NGEF: variants seen among roughly 807,000 people sequenced by gnomAD.
The protein encoded by NGEF is neuronal guanine nucleotide exchange factor, also known as ephexin-1.
NGEF carries 31 observed loss-of-function variants against 80.9 expected under a neutral mutation model. The observed-to-expected ratio is 0.38, with a 90% CI of 0.29 to 0.52. NGEF has a LOEUF of 0.52. NGEF is among the 20% of genes least tolerant of loss of function. The pLI, the probability that NGEF is intolerant of heterozygous loss-of-function variation, is 0.84. For missense variants in NGEF, 709 were observed against 926.2 expected (o/e 0.77, Z 3.04); for synonymous variants, 371 against 370.2 (o/e 1.00, Z -0.03).
Position 233,007,974 on chromosome 2 carries a change from G to C in NGEF, c.-75+5094C>G, listed in dbSNP as rs142564236. ...AAAAAGGAACTTGGCAGAAAGGAAGGCTTTCCTCCAACGCTCAAGAATCCA... is the reference window on the plus strand; with the variant it reads ...AAAAAGGAACTTGGCAGAAAGGAAGCCTTTCCTCCAACGCTCAAGAATCCA... On this transcript the variant is annotated intron_variant, in intron 1 of 14. Coordinates refer to ENST00000264051, the MANE Select transcript of NGEF (RefSeq NM_019850.3). 2.3e-3 allele frequency among the ~76,000 whole-genome samples: 346 copies of C among 152,306 alleles called. 7 individuals are homozygous for C. The Middle Eastern group carries it at 0.024, about 10-fold the overall frequency.
chr2:232,915,352 G>GTTTT (rs1210860031), intron 5 of NGEF, among the ~76,000 whole-genome samples: 1 of 152,062 alleles, frequency 6.6e-6, no homozygotes, highest in Non-Finnish European at 1.5e-5. Flanking sequence ...AGTGTTTGTT[G>GTTTT]TGTGTTTTCC....
At chr2:232,891,201 C>T (rs1034933624) in intron 8 of NGEF, 157 bp downstream of exon 8, 9 of 982,218 alleles carry the variant, frequency 9.2e-6, no homozygotes, top group African/African-American at 8.1e-5. Flanking sequence ...TGGGAGCAGG[C>T]GCTGCATCCT....
At chr2:232,880,620 A>G (rs1024865646) in intron 14 of NGEF, among the ~76,000 whole-genome samples, 1 of 152,212 alleles carries the variant, frequency 6.6e-6, no homozygotes, top group Non-Finnish European at 1.5e-5. Context: ...GAAAAGGGAA[A>G]GGGGGTCAGT....
At chr2:232,888,586 C>A (rs745785804) in intron 8 of NGEF, among the ~76,000 whole-genome samples, 4 of 151,940 alleles carry the variant, frequency 2.6e-5, no homozygotes, top group Non-Finnish European at 5.9e-5. Flanking sequence ...CACGCACACA[C>A]ATACACACAG....
At chr2:232,983,444 G>A (rs1276362976) in intron 1 of NGEF, among the ~76,000 whole-genome samples, 1 of 152,114 alleles carries the variant, frequency 6.6e-6, no homozygotes, top group Non-Finnish European at 1.5e-5. Flanking sequence ...ACCCTCCTGA[G>A]GATGGAAATA....
At chr2:232,977,302 C>G (rs1559232364) in intron 1 of NGEF, among the ~76,000 whole-genome samples, 1 of 152,178 alleles carries the variant, frequency 6.6e-6, no homozygotes, top group Non-Finnish European at 1.5e-5. Context: ...TGTCACCCAT[C>G]TGACCTCTGG....
At chr2:232,907,017 C>T (rs1225998379) in intron 5 of NGEF, among the ~76,000 whole-genome samples, 20 of 150,326 alleles carry the variant, frequency 1.3e-4, no homozygotes, top group South Asian at 4.2e-4. Flanking sequence ...ACTCCCTAAT[C>T]TCAAGTACCC....
At chr2:232,947,653 C>T (rs928428964) in intron 3 of NGEF, among the ~76,000 whole-genome samples, 6 of 152,180 alleles carry the variant, frequency 3.9e-5, no homozygotes, top group Non-Finnish European at 1.5e-5. Context: ...TCCTCAGCCA[C>T]GTAGAACTGT....
intron 5 of NGEF, among the ~76,000 whole-genome samples, chr2:232,910,576 C>T (rs1446586821): frequency 6.6e-6 from 1 of 152,056 alleles, no homozygotes; most frequent in Non-Finnish European, 1.5e-5. Context: ...TGATGAGACA[C>T]TGCTACGGGG....
intron 1 of NGEF, among the ~76,000 whole-genome samples, chr2:232,998,729 T>C (rs1206360445): frequency 6.6e-6 from 1 of 152,094 alleles, no homozygotes; most frequent in African/African-American, 2.4e-5. Context: ...TGTGCAGCCC[T>C]GTAGGTGCCA....
intron 3 of NGEF, among the ~76,000 whole-genome samples, chr2:232,965,094 T>C (rs191285835): frequency 2.4e-4 from 37 of 152,360 alleles, no homozygotes; most frequent in African/African-American, 8.4e-4. Flanking sequence ...CAGCGACGAT[T>C]CCAAAAACAA....
At chr2:232,988,483 T>C (rs558228289) in intron 1 of NGEF, among the ~76,000 whole-genome samples, 24 of 152,208 alleles carry the variant, frequency 1.6e-4, no homozygotes, top group Non-Finnish European at 3.1e-4. Flanking sequence ...GAGTGATTGG[T>C]GCAGCCAAGG....
At chr2:232,966,578 C>G (rs1200603148) in intron 3 of NGEF, among the ~76,000 whole-genome samples, 2 of 150,460 alleles carry the variant, frequency 1.3e-5, no homozygotes, top group African/African-American at 2.5e-5. Context: ...GAAAAGGCTC[C>G]CATGGGGAAG....
At chr2:232,907,184 A>G (rs1459606285) in intron 5 of NGEF, among the ~76,000 whole-genome samples, 4 of 90,158 alleles carry the variant, frequency 4.4e-5, no homozygotes, top group African/African-American at 1.2e-4. Context: ...GAAAAGAAAA[A>G]AAAGAAAAAA....
intron 4 of NGEF, among the ~76,000 whole-genome samples, chr2:232,920,968 C>T (rs546746763): frequency 2.0e-5 from 3 of 152,254 alleles, no homozygotes; most frequent in Non-Finnish European, 4.4e-5. Flanking sequence ...TTTCCATAGC[C>T]CTCAACGTTT....
At chr2:232,896,554 TGG>T (rs1692070642) in intron 5 of NGEF, among the ~76,000 whole-genome samples, 1 of 27,066 alleles carries the variant, frequency 3.7e-5, no homozygotes, top group Admixed American at 4.6e-4. Flanking sequence ...GGGGTGAGGG[TGG>T]GGTAGGGGTG....
At chr2:232,992,151 T>C (rs572365037) in intron 1 of NGEF, among the ~76,000 whole-genome samples, 1 of 152,264 alleles carries the variant, frequency 6.6e-6, no homozygotes, top group Admixed American at 6.5e-5. Flanking sequence ...CTTCTTGACA[T>C]TGGCATAGGT....
chr2:232,929,660 C>T (rs1693179540), intron 3 of NGEF, among the ~76,000 whole-genome samples: 1 of 152,240 alleles, frequency 6.6e-6, no homozygotes, highest in South Asian at 2.1e-4. Context: ...ACCCAGGTAT[C>T]TCCAGGCAGC....
intron 5 of NGEF, among the ~76,000 whole-genome samples, chr2:232,910,440 T>C (rs983968489): frequency 1.3e-5 from 1 of 76,918 alleles, no homozygotes; most frequent in Non-Finnish European, 2.6e-5. Context: ...TCCTGCTGCA[T>C]GGCGAGGTGG....
Sources: allele counts gnomAD v4.1 joint callset (sites outside exome capture counted in the v4.1 genomes callset), GRCh38; gene constraint gnomAD v4.1.1; transcripts MANE v1.5; gene names NCBI Gene and HGNC (gene_info 2026-07-23, HGNC 2026-07-21).